MSH3: variants seen among roughly 807,000 people sequenced by gnomAD.
The protein encoded by MSH3 is DNA mismatch repair protein Msh3.
A neutral mutation model predicts 123.3 loss-of-function variants in MSH3; 106 were observed. That is an observed-to-expected ratio of 0.86 (90% CI 0.73 to 1.01). The LOEUF is 1.01. Ranked by LOEUF, MSH3 falls within the 50% of genes least tolerant of loss-of-function variation. The pLI is 0.00. For synonymous variants in MSH3, 515 were observed against 481.4 expected, an observed-to-expected ratio of 1.07 and a Z score of -0.91; for missense variants, 1,459 against 1,347.6, an observed-to-expected ratio of 1.08 and a Z score of -1.29.
At chr5:80,831,691 CA>C (rs201171665) in intron 20 of MSH3, among the ~76,000 whole-genome samples, 578 of 122,654 alleles carry the variant, frequency 4.7e-3, no homozygotes, top group African/African-American at 0.015. Flanking sequence ...ATGTAATATC[CA>C]AAAAAAAAAA....
At chr5:80,736,471 A>T (rs1325932335) in intron 10 of MSH3, among the ~76,000 whole-genome samples, 2 of 152,170 alleles carry the variant, frequency 1.3e-5, no homozygotes, top group Non-Finnish European at 2.9e-5. Context: ...AAAAAGAGGG[A>T]TGTGCAAAAA....
At chr5:80,869,843 C>CATATATACATATATATAT (rs1561505382) in intron 22 of MSH3, among the ~76,000 whole-genome samples, 3 of 95,226 alleles carry the variant, frequency 3.2e-5, no homozygotes, top group African/African-American at 1.3e-4. Flanking sequence ...CATATATATA[C>CATATATACATATATATAT]ACACACACAC....
chr5:80,809,926 A>T (rs1006539183), intron 19 of MSH3, among the ~76,000 whole-genome samples: 3 of 152,102 alleles, frequency 2.0e-5, no homozygotes, highest in Admixed American at 6.6e-5. Flanking sequence ...ATTTCAGCCA[A>T]TGAAAAAGTA....
chr5:80,683,952 A>G (rs1750027680), intron 8 of MSH3, among the ~76,000 whole-genome samples: 1 of 150,212 alleles, frequency 6.7e-6, no homozygotes, highest in South Asian at 2.1e-4. Flanking sequence ...TTCTTTCCTC[A>G]GTGTATGTTC....
chr5:80,766,219 C>T (rs568494174), intron 13 of MSH3, among the ~76,000 whole-genome samples: 7 of 152,022 alleles, frequency 4.6e-5, no homozygotes, highest in African/African-American at 1.7e-4. Context: ...CTCCGTTTTC[C>T]TTAAGGACAG....
chr5:80,849,669 A>G (rs1745794905), intron 20 of MSH3, among the ~76,000 whole-genome samples: 1 of 152,118 alleles, frequency 6.6e-6, no homozygotes. Flanking sequence ...GCTGGGACAC[A>G]GGGCACCAAG....
rs183407869 is a variant in MSH3, at chr5:80,690,451, G to A, written c.1340+11358G>A. 8.0e-3 allele frequency among the ~76,000 whole-genome samples: 1,215 copies of A among 152,154 alleles called. 19 individuals are homozygous for A. The highest frequency in any genetic ancestry group is 0.031 in the Middle Eastern group (9 of 294). On this transcript the variant is annotated intron_variant, in intron 8 of 23. Coordinates refer to ENST00000265081, the MANE Select transcript of MSH3 (RefSeq NM_002439.5). ...GACTCCCCAGTAGCTGGGATTACAG[G>A]CGCCCGCCACCACACCCGGCTAATT...
rs1008459726 is a variant in MSH3 at position 80,751,116 on chromosome 5, G to A, written c.1763+6501G>A. Reference sequence around the variant, plus strand: ...GCATATTATGAAAAAACTTTGCATAGATTTCAAAAAATTTTGGCACCAAAA... The same window carrying A: ...GCATATTATGAAAAAACTTTGCATAAATTTCAAAAAATTTTGGCACCAAAA... On this transcript the variant is annotated intron_variant, in intron 12 of 23. Transcript: ENST00000265081. Among the ~76,000 whole-genome samples the A allele has an allele frequency of 2.0e-5, 3 of 152,228 alleles. No homozygotes were observed. In the South Asian group the frequency reaches 6.2e-4, roughly 32 times the overall value.
At chr5:80,689,077 G>A (rs1170447960) in intron 8 of MSH3, among the ~76,000 whole-genome samples, 1 of 152,204 alleles carries the variant, frequency 6.6e-6, no homozygotes, top group African/African-American at 2.4e-5. Flanking sequence ...ATTCCAGGAA[G>A]TGTGGTCACA....
At chr5:80,850,318 A>G (rs1462345523) in intron 20 of MSH3, among the ~76,000 whole-genome samples, 1 of 152,152 alleles carries the variant, frequency 6.6e-6, no homozygotes, top group Non-Finnish European at 1.5e-5. Context: ...TCTGTTTCCC[A>G]GTTCCAAAGT....
At chr5:80,791,637 G>A (rs1382454209) in intron 18 of MSH3, among the ~76,000 whole-genome samples, 2 of 152,070 alleles carry the variant, frequency 1.3e-5, no homozygotes, top group African/African-American at 4.8e-5. Flanking sequence ...TCTCATTTCT[G>A]TAAAATTATT....
chr5:80,688,545 T>C (rs568898722), intron 8 of MSH3, among the ~76,000 whole-genome samples: 34 of 152,332 alleles, frequency 2.2e-4, no homozygotes, highest in African/African-American at 7.9e-4. Context: ...AAATCACTTA[T>C]TACTTTATGT....
chr5:80,831,158 T>C (rs1262262015), intron 20 of MSH3, among the ~76,000 whole-genome samples: 3 of 152,222 alleles, frequency 2.0e-5, no homozygotes, highest in Non-Finnish European at 2.9e-5. Flanking sequence ...ATTTTACTTA[T>C]GCTAATAAAT....
intron 20 of MSH3, among the ~76,000 whole-genome samples, chr5:80,838,218 G>A (rs1745552583): frequency 6.6e-6 from 1 of 152,208 alleles, no homozygotes; most frequent in Non-Finnish European, 1.5e-5. Flanking sequence ...GGAGATGGTT[G>A]GGGTCACTAT....
At chr5:80,740,321 T>G (rs1169873680) in intron 10 of MSH3, among the ~76,000 whole-genome samples, 1 of 151,982 alleles carries the variant, frequency 6.6e-6, no homozygotes, top group African/African-American at 2.4e-5. Context: ...TTATACCCAC[T>G]AAATTTGGCC....
intron 19 of MSH3, among the ~76,000 whole-genome samples, chr5:80,796,696 C>T (rs969776828): frequency 5.3e-5 from 8 of 152,104 alleles, no homozygotes; most frequent in African/African-American, 1.9e-4. Flanking sequence ...ATTACATGAA[C>T]TTATTATAGT....
At position 80,765,723 on chromosome 5, in the gene MSH3, T is replaced by G. The variant is rs1443187305; in HGVS notation, c.1897-2210T>G. 3.3e-5 allele frequency among the ~76,000 whole-genome samples: 5 copies of G among 152,238 alleles called. No homozygotes were observed. In the East Asian group the frequency reaches 9.6e-4, roughly 29 times the overall value. ...CCCATATCTGTTGTATAGTACTATC[T>G]TAGATTCCCTTTACTTCCCTTGAGT... is the stretch of plus-strand genomic sequence containing the variant. On this transcript the variant is annotated intron_variant, in intron 13 of 23. Coordinates refer to ENST00000265081, the MANE Select transcript of MSH3 (RefSeq NM_002439.5).
At chr5:80,723,145 A>T (rs1473278460) in intron 8 of MSH3, among the ~76,000 whole-genome samples, 1 of 151,972 alleles carries the variant, frequency 6.6e-6, no homozygotes, top group Non-Finnish European at 1.5e-5. Flanking sequence ...TAATCCCAGT[A>T]AGTTTCTTGT....
At chr5:80,693,362 TATAC>T (rs72303526) in intron 8 of MSH3, among the ~76,000 whole-genome samples, 16 of 54,828 alleles carry the variant, frequency 2.9e-4, no homozygotes, top group African/African-American at 6.4e-4. Flanking sequence ...TTTATATAGA[TATAC>T]ATGCACATGT....
Sources: gnomAD v4.1 joint callset for allele counts (sites outside exome capture counted in the v4.1 genomes callset) on GRCh38, gnomAD v4.1.1 for gene constraint, MANE v1.5 for transcripts, NCBI Gene and HGNC (gene_info 2026-07-23, HGNC 2026-07-21) for gene names.